Variants in SIPA1L1 observed in about 807,000 individuals in gnomAD.
The protein encoded by SIPA1L1 is signal induced proliferation associated 1 like 1, also known as signal-induced proliferation-associated 1-like protein 1.
A neutral mutation model predicts 162.7 loss-of-function variants in SIPA1L1; 26 were observed. That is an observed-to-expected ratio of 0.16 (90% CI 0.12 to 0.22). SIPA1L1 has a LOEUF of 0.22. Among genes scored for constraint, SIPA1L1 ranks in the 10% least tolerant of loss-of-function variants. The pLI, the probability that SIPA1L1 is intolerant of heterozygous loss-of-function variation, is 1.00. For synonymous variants in SIPA1L1, 829 were observed against 837.4 expected (o/e 0.99, Z 0.17); for missense variants, 1,874 against 2,241.0 (o/e 0.84, Z 3.31).
At chr14:71,635,965 A>C (rs1304545351) in intron 7 of SIPA1L1, among the ~76,000 whole-genome samples, 1 of 152,226 alleles carries the variant, frequency 6.6e-6, no homozygotes, top group Non-Finnish European at 1.5e-5. Context: ...TAACAGAGAC[A>C]GAGAGGATCA....
Position 71,730,196 on chromosome 14 carries a change from C to A in SIPA1L1, c.4756C>A (p.Gln1586Lys). 2 of 1,614,148 alleles carry A rather than the reference C, an allele frequency of 1.2e-6. No individual in the cohort carries two copies. The highest frequency in any genetic ancestry group is 8.5e-7 in the Non-Finnish European group (1 of 1,180,036). Residue 1586 changes from glutamine to lysine, a missense_variant, in exon 20 of 24, where the codon CAA becomes AAA. Gln to Lys is a moderately conservative substitution (Grantham distance 53). Around this residue, in one of 5 missense-constraint regions of SIPA1L1, gnomAD observed 936 missense variants for 1,051.9 expected, o/e 0.89. Coordinates refer to ENST00000381232, the MANE Select transcript of SIPA1L1 (RefSeq NM_001386936.1). ...CACCTCCAGGGCGTCACTTCTGGACCAAGCCCTGCCCAACGACGTCCTCTT... is the reference window on the plus strand; with the variant it reads ...CACCTCCAGGGCGTCACTTCTGGACAAAGCCCTGCCCAACGACGTCCTCTT... ...FFTSRASLLD[Q>K]ALPNDVLFSS...
chr14:71,356,567 C>CAAAAAAAAAAAAAAAAAAAAAAA lies in SIPA1L1; in HGVS notation c.-465+35406_-465+35407insAAAAAAAAAAAAAAAAAAAAAAA, dbSNP rs71105772. ...GCAACATAGCAAGACCTTGTCTCTA[C>CAAAAAAAAAAAAAAAAAAAAAAA]AAAAAAAAAAAAAAAAAAAAGCACA... On this transcript the variant is annotated intron_variant, in intron 2 of 23. Coordinates refer to ENST00000381232, the MANE Select transcript of SIPA1L1 (RefSeq NM_001386936.1). Among the ~76,000 whole-genome samples, 77 of 39,152 alleles carry CAAAAAAAAAAAAAAAAAAAAAAA rather than the reference C, an allele frequency of 2.0e-3. 25 individuals are homozygous for CAAAAAAAAAAAAAAAAAAAAAAA. Among genetic ancestry groups the CAAAAAAAAAAAAAAAAAAAAAAA allele is most frequent in the Middle Eastern group, 0.071 (2 of 28 alleles). 25.7% of individuals were successfully genotyped at this position (39,152 alleles called of 152,430 possible). A position where few individuals can be genotyped will look rare whatever the true frequency, so the allele number is the denominator to read the frequency against.
chr14:71,724,045 T>C (rs1010520749), intron 18 of SIPA1L1, among the ~76,000 whole-genome samples, 159 bp downstream of exon 18: 25 of 152,172 alleles, frequency 1.6e-4, no homozygotes, highest in African/African-American at 3.1e-4. Context: ...AAGTAATATT[T>C]TCTTAAATTA....
chr14:71,571,053 C>T (rs2031905686), intron 4 of SIPA1L1, among the ~76,000 whole-genome samples: 1 of 152,162 alleles, frequency 6.6e-6, no homozygotes, highest in Non-Finnish European at 1.5e-5. Context: ...TCTTGGCCTT[C>T]CAAAGTGCTG....
chr14:71,677,931 T>G (rs1473841183), intron 12 of SIPA1L1, among the ~76,000 whole-genome samples: 4 of 152,212 alleles, frequency 2.6e-5, no homozygotes, highest in Non-Finnish European at 5.9e-5. Context: ...TTGTTCTTTT[T>G]GCATAGGATT....
At chr14:71,670,944 C>T (rs551622459) in intron 10 of SIPA1L1, among the ~76,000 whole-genome samples, 175 bp from the exon 11 acceptor site, 10 of 151,882 alleles carry the variant, frequency 6.6e-5, no homozygotes, top group African/African-American at 1.5e-4. Flanking sequence ...ATCCTAAATG[C>T]GGTAGAATGA....
At chr14:71,649,685 TGA>T (rs1318715990) in intron 7 of SIPA1L1, among the ~76,000 whole-genome samples, 2 of 152,244 alleles carry the variant, frequency 1.3e-5, no homozygotes, top group Non-Finnish European at 2.9e-5. Context: ...TTTGCCATTG[TGA>T]GGCCTCTTTT....
intron 12 of SIPA1L1, among the ~76,000 whole-genome samples, chr14:71,675,793 G>A (rs1038607952): frequency 6.6e-6 from 1 of 152,088 alleles, no homozygotes; most frequent in Admixed American, 6.5e-5. Context: ...GGTTCTTAGG[G>A]TCGCCAGGAC....
intron 2 of SIPA1L1, among the ~76,000 whole-genome samples, chr14:71,407,532 G>A (rs2042112618): frequency 8.9e-6 from 1 of 112,510 alleles, no homozygotes; most frequent in Non-Finnish European, 1.8e-5. Flanking sequence ...TCCCTCCCAG[G>A]GTCTCACTTT....
At position 71,708,016 on chromosome 14, in the gene SIPA1L1, TTTTTTTTTTTTTG is replaced by T. The variant is rs1485886009; in HGVS notation, c.3766-1193_3766-1181del. On this transcript the variant is annotated intron_variant, in intron 16 of 23. Coordinates refer to ENST00000381232, the MANE Select transcript of SIPA1L1 (RefSeq NM_001386936.1). ...CTTGTTGGACATTTGTTTTTTGGTG[TTTTTTTTTTTTTG>T]TTTTTTTTTTTTTTTTTGGAGAAAT... Among the ~76,000 whole-genome samples, 6 of 18,686 alleles carry T rather than the reference TTTTTTTTTTTTTG, an allele frequency of 3.2e-4. No individual in the cohort carries two copies. The African/African-American group carries it at 7.1e-3, about 22-fold the overall frequency. 12.3% of individuals were successfully genotyped at this position (18,686 alleles called of 152,430 possible).
chr14:71,561,591 C>T (rs2056794823), intron 4 of SIPA1L1, among the ~76,000 whole-genome samples: 1 of 152,110 alleles, frequency 6.6e-6, no homozygotes, highest in Admixed American at 6.5e-5. Flanking sequence ...TAAATATTTT[C>T]TTTCTTTTTG....
At chr14:71,682,839 A>C (rs571122932) in intron 12 of SIPA1L1, among the ~76,000 whole-genome samples, 31 of 152,334 alleles carry the variant, frequency 2.0e-4, no homozygotes, top group Admixed American at 1.5e-3. Flanking sequence ...CTGATGCAAA[A>C]TGGACTTAAA....
intron 6 of SIPA1L1, among the ~76,000 whole-genome samples, chr14:71,619,725 G>C (rs1438424459): frequency 6.6e-6 from 1 of 152,070 alleles, no homozygotes; most frequent in Non-Finnish European, 1.5e-5. Flanking sequence ...TAATGGTTTT[G>C]AAACTAGTTT....
At chr14:71,388,807 A>G (rs556332039) in intron 2 of SIPA1L1, among the ~76,000 whole-genome samples, 51 of 152,358 alleles carry the variant, frequency 3.3e-4, no homozygotes, top group African/African-American at 1.2e-3. Context: ...TTTTAAATCA[A>G]AACCCTCCCT....
chr14:71,338,359 A>G (rs1166235382), intron 2 of SIPA1L1, among the ~76,000 whole-genome samples: 1 of 152,240 alleles, frequency 6.6e-6, no homozygotes, highest in East Asian at 1.9e-4. Context: ...CTCACAGGAC[A>G]GAACCAATGA....
At chr14:71,549,292 C>A (rs1410646841) in intron 4 of SIPA1L1, among the ~76,000 whole-genome samples, 1 of 151,980 alleles carries the variant, frequency 6.6e-6, no homozygotes, top group Non-Finnish European at 1.5e-5. Flanking sequence ...TTCACCTCAT[C>A]ATCTAGGGAA....
intron 2 of SIPA1L1, among the ~76,000 whole-genome samples, chr14:71,512,170 C>T (rs1368152555): frequency 6.6e-6 from 1 of 152,062 alleles, no homozygotes. Flanking sequence ...TAGGAACAGC[C>T]TTGTGGGATC....
intron 10 of SIPA1L1, among the ~76,000 whole-genome samples, chr14:71,663,324 C>G (rs1025495102): frequency 6.6e-6 from 1 of 151,858 alleles, no homozygotes; most frequent in East Asian, 1.9e-4. Flanking sequence ...TTAGACTTAC[C>G]GCATATCTCA....
intron 23 of SIPA1L1, 30 bp from the exon 24 acceptor site, chr14:71,738,988 T>C: frequency 6.2e-7 from 1 of 1,607,118 alleles, no homozygotes; most frequent in South Asian, 1.1e-5. Context: ...CCAACACCTC[T>C]TAGCTTTTCT....
Sources: allele counts gnomAD v4.1 joint callset (sites outside exome capture counted in the v4.1 genomes callset), GRCh38; gene constraint gnomAD v4.1.1; regional missense constraint gnomAD v4.1.1; transcripts MANE v1.5; gene names NCBI Gene and HGNC (gene_info 2026-07-23, HGNC 2026-07-21).